Variants in ST6GALNAC3 observed in about 807,000 individuals in gnomAD.
ST6GALNAC3 encodes alpha-N-acetylgalactosaminide alpha-2,6-sialyltransferase 3.
A neutral mutation model predicts 32.7 loss-of-function variants in ST6GALNAC3; 25 were observed. The observed-to-expected ratio is 0.76, with a 90% CI of 0.56 to 1.07. The LOEUF is 1.07. Among genes scored for constraint, ST6GALNAC3 ranks in the 50% least tolerant of loss-of-function variants. ST6GALNAC3 has a pLI of 0.00. For missense variants in ST6GALNAC3, 355 were observed against 382.4 expected (o/e 0.93, Z 0.60); for synonymous variants, 129 against 133.1 (o/e 0.97, Z 0.21).
chr1:76,449,815 T>C (rs1220822081), intron 3 of ST6GALNAC3, among the ~76,000 whole-genome samples: 5 of 152,212 alleles, frequency 3.3e-5, no homozygotes, highest in African/African-American at 1.2e-4. Flanking sequence ...TTTAATCAAT[T>C]TATTTGTTTT....
chr1:76,455,407 T>C (rs1392259523), intron 3 of ST6GALNAC3, among the ~76,000 whole-genome samples: 1 of 152,206 alleles, frequency 6.6e-6, no homozygotes, highest in Non-Finnish European at 1.5e-5. Context: ...TTATGTTCAC[T>C]GTAGCTTGGT....
chr1:76,329,659 A>G (rs1246517120), intron 2 of ST6GALNAC3, among the ~76,000 whole-genome samples: 1 of 152,100 alleles, frequency 6.6e-6, no homozygotes, highest in Non-Finnish European at 1.5e-5. Flanking sequence ...AGTCCTTTTA[A>G]CACTTTAATA....
chr1:76,618,127 G>A (rs749409400), intron 3 of ST6GALNAC3, among the ~76,000 whole-genome samples: 20 of 152,280 alleles, frequency 1.3e-4, no homozygotes, highest in Middle Eastern at 3.4e-3. Context: ...TGTTAATGAT[G>A]AAAGACCCTA....
chr1:76,172,376 A>C (rs1411087516), intron 1 of ST6GALNAC3, among the ~76,000 whole-genome samples: 1 of 152,230 alleles, frequency 6.6e-6, no homozygotes, highest in Non-Finnish European at 1.5e-5. Flanking sequence ...CCCACAGACA[A>C]TATCATATTG....
intron 1 of ST6GALNAC3, among the ~76,000 whole-genome samples, chr1:76,304,174 T>C (rs1289956037): frequency 1.3e-5 from 2 of 152,108 alleles, no homozygotes; most frequent in East Asian, 1.9e-4. Context: ...TCTCCTTCAT[T>C]CTTTCATTTC....
intron 1 of ST6GALNAC3, among the ~76,000 whole-genome samples, chr1:76,251,256 T>G (rs1657598541): frequency 6.6e-6 from 1 of 152,182 alleles, no homozygotes; most frequent in Non-Finnish European, 1.5e-5. Flanking sequence ...CGTGTAAACT[T>G]TCTCTTTCCT....
At chr1:76,162,323 C>T (rs142795699) in intron 1 of ST6GALNAC3, among the ~76,000 whole-genome samples, 4 of 152,276 alleles carry the variant, frequency 2.6e-5, no homozygotes, top group African/African-American at 9.6e-5. Context: ...GCGCATTCTC[C>T]GTTGTAGCCA....
At chr1:76,189,605 C>A (rs143837069) in intron 1 of ST6GALNAC3, among the ~76,000 whole-genome samples, 369 of 152,086 alleles carry the variant, frequency 2.4e-3, no homozygotes, top group African/African-American at 8.2e-3. Flanking sequence ...AAGAGTAAAT[C>A]CAATAACAAC....
intron 2 of ST6GALNAC3, among the ~76,000 whole-genome samples, chr1:76,405,508 T>C (rs1469625372): frequency 1.3e-5 from 2 of 151,952 alleles, no homozygotes; most frequent in African/African-American, 2.4e-5. Context: ...GAGAAAGGGA[T>C]GGTTTTCCCA....
intron 1 of ST6GALNAC3, among the ~76,000 whole-genome samples, chr1:76,177,798 T>C (rs973948953): frequency 6.6e-6 from 1 of 152,220 alleles, no homozygotes; most frequent in Admixed American, 6.5e-5. Flanking sequence ...ATAGTCTCTG[T>C]TGGCATCTCC....
At chr1:76,200,931 A>G (rs1654481332) in intron 1 of ST6GALNAC3, among the ~76,000 whole-genome samples, 1 of 152,114 alleles carries the variant, frequency 6.6e-6, no homozygotes, top group Non-Finnish European at 1.5e-5. Context: ...TGTTTTTATG[A>G]TTGGGAGGAA....
chr1:76,615,956 A>AT (rs144990553), intron 3 of ST6GALNAC3, among the ~76,000 whole-genome samples: 1,902 of 152,086 alleles, frequency 0.013, 44 homozygotes, highest in African/African-American at 0.043. Context: ...TTTTCTTGAC[A>AT]TTTTCTGATG....
intron 3 of ST6GALNAC3, among the ~76,000 whole-genome samples, chr1:76,484,932 A>G (rs1214195744): frequency 6.6e-6 from 1 of 152,116 alleles, no homozygotes; most frequent in African/African-American, 2.4e-5. Flanking sequence ...TTAGCATGAA[A>G]GGCTGTTGAA....
At chr1:76,283,975 A>G (rs932251278) in intron 1 of ST6GALNAC3, among the ~76,000 whole-genome samples, 1 of 152,122 alleles carries the variant, frequency 6.6e-6, no homozygotes, top group Non-Finnish European at 1.5e-5. Flanking sequence ...GTTATTAGGA[A>G]CCTGATCTCT....
At chr1:76,130,312 G>T (rs1570106781) in intron 1 of ST6GALNAC3, among the ~76,000 whole-genome samples, 1 of 152,184 alleles carries the variant, frequency 6.6e-6, no homozygotes, top group Non-Finnish European at 1.5e-5. Flanking sequence ...AGGGTGGCTT[G>T]TACACCATTA....
intron 3 of ST6GALNAC3, among the ~76,000 whole-genome samples, chr1:76,498,414 C>T (rs989617818): frequency 6.6e-6 from 1 of 152,122 alleles, no homozygotes; most frequent in Non-Finnish European, 1.5e-5. Context: ...AAATGGGGAG[C>T]TTTCCAAATG....
At chr1:76,294,169 A>G (rs749630764) in intron 1 of ST6GALNAC3, among the ~76,000 whole-genome samples, 2 of 152,234 alleles carry the variant, frequency 1.3e-5, no homozygotes, top group South Asian at 4.1e-4. Flanking sequence ...TTAAATACAC[A>G]TAATGTCATG....
At chr1:76,310,797 A>C (rs1446759574) in intron 1 of ST6GALNAC3, among the ~76,000 whole-genome samples, 1 of 152,180 alleles carries the variant, frequency 6.6e-6, no homozygotes, top group Non-Finnish European at 1.5e-5. Flanking sequence ...ATATGAAAGA[A>C]TATTTTATTG....
chr1:76,316,656 C>T lies in ST6GALNAC3; in HGVS notation c.213+2657C>T, dbSNP rs568658234. On this transcript the variant is annotated intron_variant, in intron 2 of 4. Coordinates refer to ENST00000328299, the MANE Select transcript of ST6GALNAC3 (RefSeq NM_152996.4). ...GGTTACCTCTGAGAGGAGTGGGCAG[C>T]TTGTGATCAGAATGGGTTTCTGGGG... Among the ~76,000 whole-genome samples, 50 of 152,108 alleles carry T rather than the reference C, an allele frequency of 3.3e-4. 1 individual carries two copies. In the South Asian group the frequency reaches 9.1e-3, roughly 28 times the overall value.
Sources: allele counts gnomAD v4.1 joint callset (sites outside exome capture counted in the v4.1 genomes callset), GRCh38; gene constraint gnomAD v4.1.1; transcripts MANE v1.5; gene names NCBI Gene and HGNC (gene_info 2026-07-23, HGNC 2026-07-21).